SI: variants seen among roughly 807,000 people sequenced by gnomAD.
SI encodes the protein sucrase-isomaltase.
SI carries 235 observed loss-of-function variants against 253.3 expected under a neutral mutation model. The observed-to-expected ratio is 0.93, with a 90% CI of 0.83 to 1.03. The LOEUF (loss-of-function observed/expected upper bound fraction) is 1.03, where lower values mean the gene tolerates loss of function less well. SI is among the 50% of genes least tolerant of loss of function. The pLI, the probability that SI is intolerant of heterozygous loss-of-function variation, is 0.00. For missense variants in SI, 2,442 were observed against 2,211.1 expected, an observed-to-expected ratio of 1.10 and a Z score of -2.09; for synonymous variants, 819 against 712.0, an observed-to-expected ratio of 1.15 and a Z score of -2.39.
chr3:165,075,251 CA>C (rs1714876736), intron 2 of SI, among the ~76,000 whole-genome samples: 1 of 151,700 alleles, frequency 6.6e-6, no homozygotes, highest in African/African-American at 2.4e-5. Context: ...GTAGGTAAAA[CA>C]AAAGATTAAC....
At chr3:165,076,046 A>T in intron 1 of SI, 34 bp from the exon 2 acceptor site, 3 of 1,343,776 alleles carry the variant, frequency 2.2e-6, no homozygotes, top group Non-Finnish European at 3.1e-6. Flanking sequence ...TTTAAAATGT[A>T]AAATATATAA....
chr3:165,063,075 A>T (rs9833589), intron 8 of SI, among the ~76,000 whole-genome samples: 88,683 of 151,802 alleles, frequency 0.58, 26,268 homozygotes, highest in East Asian at 0.81. Flanking sequence ...TAAAAAAAAT[A>T]CTCTTTTTTC....
rs147839682 is a variant in SI, at chr3:165,050,534, G to A, written c.1513-659C>T. Among the ~76,000 whole-genome samples the A allele has an allele frequency of 2.0e-5, 3 of 152,134 alleles. No individual in the cohort carries two copies. The East Asian group carries it at 5.8e-4, about 29-fold the overall frequency. ...ACATAGGCCCCAATCTTGTCCCACTGCCTGCTAGCTATGTGACCATAACCC... is the reference window on the plus strand; with the variant it reads ...ACATAGGCCCCAATCTTGTCCCACTACCTGCTAGCTATGTGACCATAACCC... On this transcript the variant is annotated intron_variant, in intron 13 of 47. Transcript: ENST00000264382.
intron 45 of SI, among the ~76,000 whole-genome samples, chr3:164,983,678 C>A (rs1161753865): frequency 6.6e-6 from 1 of 152,050 alleles, no homozygotes; most frequent in Non-Finnish European, 1.5e-5. Context: ...CAGCCTGGAC[C>A]TCCTGGGCTC....
intron 25 of SI, among the ~76,000 whole-genome samples, chr3:165,030,401 G>C (rs548932095): frequency 6.0e-5 from 9 of 150,926 alleles, no homozygotes; most frequent in African/African-American, 2.2e-4. Context: ...AAGCAAATCA[G>C]CTACAGTCAA....
chr3:165,024,304 T>C (rs998739731), intron 25 of SI, among the ~76,000 whole-genome samples: 2 of 151,330 alleles, frequency 1.3e-5, no homozygotes, highest in Non-Finnish European at 3.0e-5. Flanking sequence ...CAGAGTTGAT[T>C]GGTTTAACAT....
chr3:165,004,131 G>C (rs548684386), intron 37 of SI, among the ~76,000 whole-genome samples: 1 of 152,010 alleles, frequency 6.6e-6, no homozygotes, highest in Admixed American at 6.6e-5. Flanking sequence ...ATTTAAAAAT[G>C]GGCAAAATAT....
chr3:165,058,880 A>ACACACACACACACACACACG, intron 12 of SI, 83 bp downstream of exon 12: 1 of 1,125,856 alleles, frequency 8.9e-7, no homozygotes, highest in Non-Finnish European at 1.3e-6. Flanking sequence ...ACACACACAC[A>ACACACACACACACACACACG]CACACACGCA....
At chr3:164,985,034 G>A (rs1276718579) in intron 45 of SI, among the ~76,000 whole-genome samples, 1 of 151,988 alleles carries the variant, frequency 6.6e-6, no homozygotes, top group Non-Finnish European at 1.5e-5. Context: ...AGATCCAATT[G>A]GCAAAAAACA....
rs772051586 is a variant in SI at position 165,016,011 on chromosome 3, C to T, written c.3829G>A (p.Asp1277Asn). Residue 1277 changes from aspartate (D) to asparagine (N), a missense_variant, in exon 32 of 48, where the codon GAC becomes AAC. Coordinates refer to ENST00000264382, the MANE Select transcript of SI (RefSeq NM_001041.4). Reference sequence around the variant, plus strand: ...ATTTTGTCAACAAACTGAGGAAGGTCCTGGAATGCTTCACCAATTGTAAAG... The same window carrying T: ...ATTTTGTCAACAAACTGAGGAAGGTTCTGGAATGCTTCACCAATTGTAAAG... The part of the protein sequence containing the change: ...LDFTIGEAFQ[D>N]LPQFVDKIRG... The T allele has an allele frequency of 9.3e-6, 15 of 1,611,884 alleles. No homozygotes were observed. Among genetic ancestry groups the T allele is most frequent in the Non-Finnish European group, 1.3e-5 (15 of 1,178,194 alleles).
intron 16 of SI, 105 bp downstream of exon 16, chr3:165,046,734 ATT>A (rs2108228115): frequency 2.1e-6 from 2 of 931,464 alleles, no homozygotes; most frequent in East Asian, 5.3e-5. Flanking sequence ...AAACTGAATT[ATT>A]TCTGTAACAT....
At chr3:165,089,378 C>T in the SI span, among the ~76,000 whole-genome samples, 1 of 152,102 alleles carries the variant, frequency 6.6e-6, no homozygotes, top group Admixed American at 6.6e-5. Context: ...ATGTTATGAC[C>T]AGAATGACTT....
chr3:165,067,575 C>T (rs986265373), intron 5 of SI, 84 bp from the exon 6 acceptor site: 3 of 1,212,438 alleles, frequency 2.5e-6, no homozygotes, highest in Non-Finnish European at 1.2e-6. Context: ...ATGCAAGTTC[C>T]AAATAAAAAA....
intron 16 of SI, among the ~76,000 whole-genome samples, chr3:165,046,327 TAGA>T (rs1713111967): frequency 6.6e-6 from 1 of 152,116 alleles, no homozygotes; most frequent in East Asian, 1.9e-4. Flanking sequence ...TTTTGTTTGA[TAGA>T]GTTAGACTTC....
intron 17 of SI, among the ~76,000 whole-genome samples, chr3:165,042,203 C>T (rs968470310): frequency 6.6e-6 from 1 of 152,056 alleles, no homozygotes; most frequent in African/African-American, 2.4e-5. Flanking sequence ...CAAAATCTCC[C>T]ATGGACACAC....
rs1718723846 is a variant in SI, at chr3:165,010,586, C to T, written c.4063-1191G>A. Among the ~76,000 whole-genome samples, 3 of 152,256 alleles carry T rather than the reference C, an allele frequency of 2.0e-5. No homozygotes were observed. The South Asian group carries it at 6.2e-4, about 32-fold the overall frequency. On this transcript the variant is annotated intron_variant, in intron 34 of 47. Transcript: ENST00000264382. ...TGAATATTTTCTATGCAAGGATCTC[C>T]CGTATGATAATTAATAACAAATGGT...
At chr3:164,991,938 T>C (rs1219175198) in intron 43 of SI, among the ~76,000 whole-genome samples, 10 of 152,138 alleles carry the variant, frequency 6.6e-5, no homozygotes, top group South Asian at 2.1e-4. Context: ...GTATGTAATG[T>C]GTAGTTACCA....
intron 44 of SI, 35 bp from the exon 45 acceptor site, chr3:164,987,261 T>G (rs1244015452): frequency 6.5e-7 from 1 of 1,533,484 alleles, no homozygotes; most frequent in Non-Finnish European, 9.0e-7. Context: ...TACCCATGTT[T>G]GTAGAATAGC....
intron 44 of SI, 95 bp from the exon 45 acceptor site, chr3:164,987,321 A>G (rs1717486771): frequency 3.1e-6 from 3 of 977,386 alleles, no homozygotes; most frequent in Middle Eastern, 2.1e-4. Context: ...TAGGAACCCA[A>G]GCATTAAGGA....
Sources: gnomAD v4.1 joint callset for allele counts (sites outside exome capture counted in the v4.1 genomes callset) on GRCh38, gnomAD v4.1.1 for gene constraint, MANE v1.5 for transcripts, NCBI Gene and HGNC (gene_info 2026-07-23, HGNC 2026-07-21) for gene names.